RMDN2: variants seen among roughly 807,000 people sequenced by gnomAD.
The protein encoded by RMDN2 is regulator of microtubule dynamics 2.
A neutral mutation model predicts 52.8 loss-of-function variants in RMDN2; 61 were observed. The ratio of observed to expected loss-of-function variants is 1.16; its 90% CI spans 0.94 to 1.43. The LOEUF (loss-of-function observed/expected upper bound fraction) is 1.43, where lower values mean the gene tolerates loss of function less well. Ranked by LOEUF, RMDN2 falls within the 40% of genes most tolerant of loss-of-function variation. The probability of loss-of-function intolerance (pLI) is 0.00; values close to 1 mark genes in which losing one functional copy is unlikely to be tolerated. For synonymous variants in RMDN2, 180 were observed against 153.1 expected (o/e 1.18, Z -1.30); for missense variants, 592 against 475.3 (o/e 1.25, Z -2.28).
intron 2 of RMDN2, among the ~76,000 whole-genome samples, chr2:37,941,633 C>T (rs1572718261): frequency 6.6e-6 from 1 of 152,342 alleles, no homozygotes; most frequent in East Asian, 1.9e-4. Context: ...GCTATAGCTG[C>T]TTTGCAGTGC....
chr2:38,009,268 G>A (rs1419351971), intron 10 of RMDN2, among the ~76,000 whole-genome samples: 4 of 152,192 alleles, frequency 2.6e-5, no homozygotes, highest in African/African-American at 9.7e-5. Context: ...CTAGATTGGG[G>A]AAGTTCTCCT....
chr2:37,988,667 A>G (rs1017374373), intron 5 of RMDN2, among the ~76,000 whole-genome samples: 2 of 152,222 alleles, frequency 1.3e-5, no homozygotes, highest in African/African-American at 4.8e-5. Context: ...CATCTTAGTT[A>G]CTATGACAAT....
At chr2:37,936,809 A>T (rs111359444) in intron 2 of RMDN2, among the ~76,000 whole-genome samples, 11,063 of 152,250 alleles carry the variant, frequency 0.073, 403 homozygotes, top group East Asian at 0.093. Flanking sequence ...TGTCAGACGA[A>T]TAGATTGCAA....
intron 2 of RMDN2, among the ~76,000 whole-genome samples, chr2:37,954,074 G>T (rs1351221585): frequency 6.6e-6 from 1 of 151,696 alleles, no homozygotes; most frequent in African/African-American, 2.4e-5. Flanking sequence ...ATTTGTAGGA[G>T]TTCTTTATAT....
At chr2:38,053,675 G>A (rs919991347) in intron 10 of RMDN2, among the ~76,000 whole-genome samples, 28 of 152,098 alleles carry the variant, frequency 1.8e-4, no homozygotes, top group African/African-American at 6.5e-4. Context: ...TCATATAAAC[G>A]TTTCTATGCT....
chr2:38,049,291 G>A (rs1329098791), intron 10 of RMDN2, among the ~76,000 whole-genome samples: 2 of 152,094 alleles, frequency 1.3e-5, no homozygotes, highest in Admixed American at 1.3e-4. Context: ...GGAAAGTTAG[G>A]ACCATCAGTC....
chr2:38,005,349 C>A (rs1365357406), intron 10 of RMDN2, among the ~76,000 whole-genome samples: 2 of 152,216 alleles, frequency 1.3e-5, no homozygotes, highest in African/African-American at 4.8e-5. Flanking sequence ...TTCTCCACAT[C>A]CTCTCCAGCA....
chr2:38,002,548 T>G (rs905092144), intron 8 of RMDN2, among the ~76,000 whole-genome samples: 2 of 152,244 alleles, frequency 1.3e-5, no homozygotes, highest in African/African-American at 4.8e-5. Flanking sequence ...TTTGTGTTTT[T>G]CTAGCTTTAC....
At chr2:37,945,593 A>G (rs967538657) in intron 2 of RMDN2, among the ~76,000 whole-genome samples, 1 of 152,252 alleles carries the variant, frequency 6.6e-6, no homozygotes, top group Non-Finnish European at 1.5e-5. Context: ...ATACAAAATC[A>G]AAATTACAGA....
At chr2:37,986,799 G>A (rs1331930404) in intron 5 of RMDN2, among the ~76,000 whole-genome samples, 1 of 151,664 alleles carries the variant, frequency 6.6e-6, no homozygotes, top group African/African-American at 2.4e-5. Context: ...ATCAAGTTGA[G>A]GAAAATTTTA....
chr2:38,054,064 AACTATAC>A (rs1681748987), intron 10 of RMDN2, among the ~76,000 whole-genome samples: 1 of 152,200 alleles, frequency 6.6e-6, no homozygotes, highest in Non-Finnish European at 1.5e-5. Context: ...CATTCCTATG[AACTATAC>A]TAGTAGATGC....
Position 37,975,235 on chromosome 2 carries a change from G to T in RMDN2, c.651G>T (p.Met217Ile). The T allele has an allele frequency of 1.2e-6, 2 of 1,607,364 alleles. No individual in the cohort carries two copies. Among genetic ancestry groups the T allele is most frequent in the Non-Finnish European group, 1.7e-6 (2 of 1,174,118 alleles). ...AGTTTAGAGATGAAATAGAGTTTAT[G>T]TGGCGATTTGCTCGTGCTTATGGAG... ...KEKFRDEIEF[M>I]WRFARAYGDM... Residue 217 changes from methionine to isoleucine, a missense_variant, in exon 4 of 11, where the codon ATG becomes ATT. Physicochemically the swap from Met to Ile is conservative, Grantham distance 10 (BLOSUM62 1). Coordinates refer to ENST00000354545, the MANE Select transcript of RMDN2 (RefSeq NM_001170791.3).
rs925413254 is a variant in RMDN2, at chr2:38,008,591, T to C, written c.1179+4375T>C. Among the ~76,000 whole-genome samples the C allele has an allele frequency of 5.9e-5, 9 of 152,316 alleles. No homozygotes were observed. In the South Asian group the frequency reaches 1.9e-3, roughly 32 times the overall value. The stretch of plus-strand genomic sequence containing the variant: ...TTCCTCCATCCCTTTATTTTGAGCC[T>C]ATGTGTGTCTCTGCACGTGAGATGG... On this transcript the variant is annotated intron_variant, in intron 10 of 10. Transcript: ENST00000354545.
chr2:37,933,550 G>A (rs553976115), intron 2 of RMDN2, among the ~76,000 whole-genome samples: 64 of 152,348 alleles, frequency 4.2e-4, no homozygotes, highest in Middle Eastern at 3.4e-3. Flanking sequence ...CTGGCGGATC[G>A]CTCGCGGTTA....
intron 10 of RMDN2, chr2:38,030,619 T>C (rs1573179841): frequency 6.6e-6 from 1 of 152,242 alleles, no homozygotes; most frequent in Non-Finnish European, 1.5e-5. Context: ...TTACATGGAT[T>C]TTTATTAAAC....
chr2:37,991,979 T>C (rs1451643905), intron 7 of RMDN2, among the ~76,000 whole-genome samples: 1 of 152,186 alleles, frequency 6.6e-6, no homozygotes, highest in East Asian at 1.9e-4. Context: ...AAAATTGGGG[T>C]AGGCAAAGAG....
chr2:38,010,766 G>T (rs1573080126), intron 10 of RMDN2, among the ~76,000 whole-genome samples: 1 of 152,144 alleles, frequency 6.6e-6, no homozygotes, highest in African/African-American at 2.4e-5. Context: ...CGGTACCTCA[G>T]GTGGAAATGC....
At chr2:37,951,359 T>A (rs1668767189) in intron 2 of RMDN2, 1 of 1,613,184 alleles carries the variant, frequency 6.2e-7, no homozygotes, top group Non-Finnish European at 8.5e-7. Context: ...AAACATCTTA[T>A]TCCCCTGTAA....
intron 10 of RMDN2, among the ~76,000 whole-genome samples, chr2:38,012,988 G>A (rs1242260553): frequency 6.6e-6 from 1 of 152,202 alleles, no homozygotes; most frequent in African/African-American, 2.4e-5. Flanking sequence ...AGTTGATATT[G>A]GGAGTGTCAG....
Sources: allele counts gnomAD v4.1 joint callset (sites outside exome capture counted in the v4.1 genomes callset), GRCh38; gene constraint gnomAD v4.1.1; transcripts MANE v1.5; gene names NCBI Gene and HGNC (gene_info 2026-07-23, HGNC 2026-07-21).